ASTN2: variants seen among roughly 807,000 people sequenced by gnomAD.
ASTN2 encodes the protein astrotactin 2, also known as astrotactin-2.
In ASTN2, 54 loss-of-function variants were observed where a neutral mutation model predicts 139.8. The observed-to-expected ratio is 0.39, with a 90% CI of 0.31 to 0.48. The LOEUF (loss-of-function observed/expected upper bound fraction) is 0.48, where lower values mean the gene tolerates loss of function less well. ASTN2 is among the 20% of genes least tolerant of loss of function. The pLI, the probability that ASTN2 is intolerant of heterozygous loss-of-function variation, is 0.95. For synonymous variants in ASTN2, 756 were observed against 719.5 expected (o/e 1.05, Z -0.81); for missense variants, 1,565 against 1,725.1 (o/e 0.91, Z 1.64).
chr9:116,930,572 T>C (rs1834869310), intron 10 of ASTN2, among the ~76,000 whole-genome samples: 1 of 151,378 alleles, frequency 6.6e-6, no homozygotes, highest in Non-Finnish European at 1.5e-5. Flanking sequence ...TTGAGAGAGG[T>C]GTCCGATTTC....
intron 1 of ASTN2, among the ~76,000 whole-genome samples, chr9:117,364,950 A>AACAC (rs71379275): frequency 0.024 from 2,914 of 121,468 alleles, 80 homozygotes; most frequent in Admixed American, 0.076. Context: ...CCATCTCTAC[A>AACAC]ACACACACAC....
chr9:116,930,022 T>TG (rs1813995195), intron 10 of ASTN2, among the ~76,000 whole-genome samples: 1 of 152,206 alleles, frequency 6.6e-6, no homozygotes, highest in African/African-American at 2.4e-5. Context: ...GGATGCTTGC[T>TG]GGAGGTCCAG....
intron 2 of ASTN2, among the ~76,000 whole-genome samples, chr9:117,267,689 A>C (rs1266763271): frequency 6.6e-6 from 1 of 152,202 alleles, no homozygotes; most frequent in Non-Finnish European, 1.5e-5. Context: ...CAAGCCTTGG[A>C]ATGGGGCACC....
intron 11 of ASTN2, among the ~76,000 whole-genome samples, chr9:116,828,396 G>A (rs1210581858): frequency 1.3e-5 from 2 of 151,678 alleles, no homozygotes; most frequent in East Asian, 3.9e-4. Flanking sequence ...TCCCTGTGAT[G>A]TAATGAGGAT....
At chr9:117,091,336 T>C (rs1254165966) in intron 5 of ASTN2, among the ~76,000 whole-genome samples, 2 of 152,200 alleles carry the variant, frequency 1.3e-5, no homozygotes, top group Non-Finnish European at 2.9e-5. Context: ...CTGTGCTTGA[T>C]GTTGAGGACA....
intron 3 of ASTN2, among the ~76,000 whole-genome samples, chr9:117,210,981 CAAA>C (rs57888812): frequency 1.5e-5 from 2 of 137,032 alleles, no homozygotes; most frequent in East Asian, 2.1e-4. Context: ...CATCTCAAAG[CAAA>C]AAAAAAAAAA....
At chr9:116,564,844 G>A (rs1041044488) in intron 19 of ASTN2, among the ~76,000 whole-genome samples, 4 of 151,796 alleles carry the variant, frequency 2.6e-5, no homozygotes, top group African/African-American at 9.7e-5. Context: ...TTTATAATCT[G>A]TATTCATTCA....
At chr9:116,899,558 A>G (rs548404205) in intron 10 of ASTN2, among the ~76,000 whole-genome samples, 1 of 152,220 alleles carries the variant, frequency 6.6e-6, no homozygotes, top group African/African-American at 2.4e-5. Flanking sequence ...TATCTGACAT[A>G]ACCAACTCCA....
At chr9:116,911,385 C>T (rs1161746143) in intron 10 of ASTN2, among the ~76,000 whole-genome samples, 1 of 151,946 alleles carries the variant, frequency 6.6e-6, no homozygotes, top group Non-Finnish European at 1.5e-5. Context: ...TCATGACAAA[C>T]AAATGAAGAC....
intron 3 of ASTN2, among the ~76,000 whole-genome samples, chr9:117,190,682 G>A (rs1372167079): frequency 6.6e-6 from 1 of 151,984 alleles, no homozygotes; most frequent in Non-Finnish European, 1.5e-5. Flanking sequence ...TGTTCCCTCT[G>A]CCCAAAAAGC....
chr9:116,657,888 A>ATTTTTT (rs113620338), intron 16 of ASTN2, among the ~76,000 whole-genome samples: 1 of 135,028 alleles, frequency 7.4e-6, no homozygotes, highest in Non-Finnish European at 1.6e-5. Flanking sequence ...AAGTAGCAAG[A>ATTTTTT]TTTTTTTTTT....
At chr9:116,591,710 GAAGT>G (rs1268833087) in intron 19 of ASTN2, among the ~76,000 whole-genome samples, 1 of 152,170 alleles carries the variant, frequency 6.6e-6, no homozygotes, top group African/African-American at 2.4e-5. Flanking sequence ...TATGGCATTA[GAAGT>G]AAGGATAGTG....
At chr9:116,808,060 GC>G (rs1304096676) in intron 12 of ASTN2, among the ~76,000 whole-genome samples, 1 of 152,068 alleles carries the variant, frequency 6.6e-6, no homozygotes, top group African/African-American at 2.4e-5. Context: ...GTTGTAGTTA[GC>G]CGAGATCATG....
intron 17 of ASTN2, among the ~76,000 whole-genome samples, chr9:116,627,649 G>A (rs1856531246): frequency 1.3e-5 from 2 of 152,116 alleles, no homozygotes; most frequent in Admixed American, 1.3e-4. Context: ...GGTCTGAAGG[G>A]TAAAATAGCC....
At chr9:116,650,332 A>AT in intron 17 of ASTN2, among the ~76,000 whole-genome samples, 1 of 152,314 alleles carries the variant, frequency 6.6e-6, no homozygotes, top group African/African-American at 2.4e-5. Context: ...CAGTGAATCA[A>AT]TAATTCATAT....
chr9:117,060,463 AGG>A (rs1554774126), intron 5 of ASTN2, among the ~76,000 whole-genome samples: 1 of 52,612 alleles, frequency 1.9e-5, no homozygotes, highest in Non-Finnish European at 3.7e-5. Flanking sequence ...AAAGAAAGGA[AGG>A]AAGGAAGGAA....
intron 11 of ASTN2, among the ~76,000 whole-genome samples, chr9:116,855,298 A>G (rs967795865): frequency 2.6e-5 from 4 of 152,240 alleles, no homozygotes; most frequent in Non-Finnish European, 5.9e-5. Flanking sequence ...ATGCAAATGC[A>G]CTGATTGGAA....
chr9:116,815,736 C>T (rs544429814), intron 12 of ASTN2, among the ~76,000 whole-genome samples: 27 of 128,022 alleles, frequency 2.1e-4, no homozygotes, highest in Non-Finnish European at 3.4e-4. Context: ...ACCTGGGAGG[C>T]GGAGCTTGTA....
chr9:116,441,404 C>T (rs943172954), intron 21 of ASTN2, among the ~76,000 whole-genome samples: 4 of 149,768 alleles, frequency 2.7e-5, no homozygotes, highest in African/African-American at 9.8e-5. Flanking sequence ...TAAATCATTA[C>T]CAACAACAGT....
Sources: gnomAD v4.1 joint callset for allele counts (sites outside exome capture counted in the v4.1 genomes callset) on GRCh38, gnomAD v4.1.1 for gene constraint, MANE v1.5 for transcripts, NCBI Gene and HGNC (gene_info 2026-07-23, HGNC 2026-07-21) for gene names.